Variants in HS6ST3 observed in about 807,000 individuals in gnomAD.
HS6ST3 encodes the protein heparan sulfate 6-O-sulfotransferase 3.
Under a neutral mutation model 36.7 loss-of-function variants are expected in HS6ST3, and 12 were observed. That is an observed-to-expected ratio of 0.33 (90% CI 0.21 to 0.53). The LOEUF is 0.53. Among genes scored for constraint, HS6ST3 ranks in the 20% least tolerant of loss-of-function variants. HS6ST3 has a pLI of 0.95. For synonymous variants in HS6ST3, 240 were observed against 257.5 expected (o/e 0.93, Z 0.65); for missense variants, 584 against 640.9 (o/e 0.91, Z 0.96).
At position 96,090,947 on chromosome 13, in the gene HS6ST3, T is replaced by G; in HGVS notation, c.85T>G (p.Ser29Ala). The change falls in exon 1 of 2, where the codon TCC becomes GCC. Residue 29 changes from serine (S) to alanine (A), a missense_variant. Ser to Ala is a moderately conservative substitution (Grantham distance 99). Around this residue, in one of 3 missense-constraint regions of HS6ST3, gnomAD observed 217 missense variants for 205.4 expected, o/e 1.06. Coordinates refer to ENST00000376705, the MANE Select transcript of HS6ST3 (RefSeq NM_153456.4). The stretch of plus-strand genomic sequence containing the variant: ...CATCATGTACCAGTACGTGTCCCCC[T>G]CCTGCACCAGCTCCTGCACCAACTT... ...VVIMYQYVSP[S>A]CTSSCTNFGE... 1 of 1,464,726 alleles carries G rather than the reference T, an allele frequency of 6.8e-7. No individual in the cohort carries two copies. 90.7% of individuals were successfully genotyped at this position (1,464,726 alleles called of 1,614,324 possible). A position where few individuals can be genotyped will look rare whatever the true frequency, so the allele number is the denominator to read the frequency against.
chr13:96,329,932 T>A (rs1395155393), intron 1 of HS6ST3, among the ~76,000 whole-genome samples: 1 of 149,934 alleles, frequency 6.7e-6, no homozygotes. Context: ...TTTACCATTA[T>A]GTAATGGCCT....
intron 1 of HS6ST3, among the ~76,000 whole-genome samples, chr13:96,200,013 TC>T (rs928485711): frequency 2.0e-5 from 3 of 152,066 alleles, no homozygotes; most frequent in African/African-American, 7.2e-5. Flanking sequence ...ATGTTTCGAG[TC>T]TCCAAATAGA....
chr13:96,746,929 A>G (rs1354965024), intron 1 of HS6ST3, among the ~76,000 whole-genome samples: 1 of 152,078 alleles, frequency 6.6e-6, no homozygotes, highest in Non-Finnish European at 1.5e-5. Flanking sequence ...CCATGGTACT[A>G]ATAGATATTT....
At chr13:96,793,148 C>T (rs918033448) in intron 1 of HS6ST3, among the ~76,000 whole-genome samples, 3 of 152,016 alleles carry the variant, frequency 2.0e-5, no homozygotes, top group Non-Finnish European at 4.4e-5. Flanking sequence ...ATTCATTTCA[C>T]GTTATTCTTT....
At chr13:96,552,504 G>T (rs2056223176) in intron 1 of HS6ST3, among the ~76,000 whole-genome samples, 1 of 152,174 alleles carries the variant, frequency 6.6e-6, no homozygotes, top group Non-Finnish European at 1.5e-5. Flanking sequence ...AGGGTTCAGG[G>T]TCCTAATTGA....
chr13:96,710,981 C>G (rs1875548099), intron 1 of HS6ST3, among the ~76,000 whole-genome samples: 1 of 152,234 alleles, frequency 6.6e-6, no homozygotes, highest in South Asian at 2.1e-4. Flanking sequence ...TTCTCTCAGA[C>G]TTCTTGATGA....
chr13:96,234,050 G>A (rs2139369083), intron 1 of HS6ST3, among the ~76,000 whole-genome samples: 1 of 151,374 alleles, frequency 6.6e-6, no homozygotes, highest in East Asian at 1.9e-4. Context: ...TGCAATGGAT[G>A]CAACTTATAA....
intron 1 of HS6ST3, among the ~76,000 whole-genome samples, chr13:96,452,261 A>C (rs1289884411): frequency 6.6e-6 from 1 of 152,212 alleles, no homozygotes; most frequent in Non-Finnish European, 1.5e-5. Context: ...TTGAGGGTAA[A>C]TAGCTGTCTT....
At chr13:96,545,679 C>T (rs907178608) in intron 1 of HS6ST3, among the ~76,000 whole-genome samples, 7 of 152,156 alleles carry the variant, frequency 4.6e-5, no homozygotes, top group African/African-American at 1.7e-4. Context: ...GTTTCAAAAT[C>T]TGTTTATTAC....
intron 1 of HS6ST3, among the ~76,000 whole-genome samples, chr13:96,613,007 C>A (rs999466431): frequency 1.3e-5 from 2 of 152,170 alleles, no homozygotes; most frequent in Admixed American, 1.3e-4. Context: ...AAGAAAGTTG[C>A]AGACCTCCTT....
At position 96,583,204 on chromosome 13, in the gene HS6ST3, CTTTTTTTTTT is replaced by C. The variant is rs71292889; in HGVS notation, c.708-249268_708-249259del. Among the ~76,000 whole-genome samples the C allele has an allele frequency of 9.9e-3, 523 of 52,948 alleles. 6 individuals carry two copies. The highest frequency in any genetic ancestry group is 0.039 in the African/African-American group (487 of 12,446). 34.7% of individuals were successfully genotyped at this position (52,948 alleles called of 152,430 possible). On this transcript the variant is annotated intron_variant, in intron 1 of 1. Coordinates refer to ENST00000376705, the MANE Select transcript of HS6ST3 (RefSeq NM_153456.4). ...AATGGCTTCAATTTCTTTTTCTTTTCTTTTTTTTTTTTTTTTTTTTTTTTTTTGAGACGGA... is the reference window on the plus strand; with the variant it reads ...AATGGCTTCAATTTCTTTTTCTTTTCTTTTTTTTTTTTTTTTTGAGACGGA...
intron 1 of HS6ST3, among the ~76,000 whole-genome samples, chr13:96,686,768 C>G (rs1874792534): frequency 6.6e-6 from 1 of 151,940 alleles, no homozygotes; most frequent in Non-Finnish European, 1.5e-5. Flanking sequence ...GCTTCATTTC[C>G]CTATTGTGGA....
intron 1 of HS6ST3, chr13:96,574,265 A>T (rs568258885): frequency 3.2e-5 from 13 of 404,374 alleles, no homozygotes; most frequent in South Asian, 2.7e-4. Flanking sequence ...GGTCCATGGG[A>T]TTTAAACTGA....
intron 1 of HS6ST3, among the ~76,000 whole-genome samples, chr13:96,409,005 T>C (rs200688185): frequency 6.6e-6 from 1 of 152,166 alleles, no homozygotes; most frequent in East Asian, 1.9e-4. Flanking sequence ...GAATGTGCCA[T>C]TTGAGTTATT....
chr13:96,760,613 G>A (rs938875865), intron 1 of HS6ST3, among the ~76,000 whole-genome samples: 1 of 152,106 alleles, frequency 6.6e-6, no homozygotes, highest in Non-Finnish European at 1.5e-5. Context: ...GTAGTACCAA[G>A]AAGTATTTGA....
chr13:96,705,803 C>T (rs1375986382), intron 1 of HS6ST3, among the ~76,000 whole-genome samples: 1 of 152,204 alleles, frequency 6.6e-6, no homozygotes, highest in Admixed American at 6.5e-5. Flanking sequence ...CATGCTCAGT[C>T]TCCGTCCACC....
chr13:96,269,687 G>T (rs1390308283), intron 1 of HS6ST3, among the ~76,000 whole-genome samples: 2 of 151,978 alleles, frequency 1.3e-5, no homozygotes, highest in Non-Finnish European at 2.9e-5. Flanking sequence ...GAGTTTTCAT[G>T]CTAAAGTCAG....
Position 96,769,443 on chromosome 13 carries a change from C to G in HS6ST3, c.708-63047C>G, listed in dbSNP as rs1183320356. On this transcript the variant is annotated intron_variant, in intron 1 of 1. Coordinates refer to ENST00000376705, the MANE Select transcript of HS6ST3 (RefSeq NM_153456.4). ...GTATATCTCCCAATGCTATCCCTCC[C>G]CCCTCCCCCCACCCCCCCACATTCC... Among the ~76,000 whole-genome samples the G allele has an allele frequency of 6.3e-4, 65 of 103,162 alleles. 2 individuals are homozygous for G. The highest frequency in any genetic ancestry group is 2.3e-3 in the African/African-American group (61 of 26,522). 67.7% of individuals were successfully genotyped at this position (103,162 alleles called of 152,430 possible).
chr13:96,832,715 G>A lies in HS6ST3; in HGVS notation c.933G>A (p.Val311=). ...ACAACCTGGCTAACAATCGCCAGGT[G>A]CGCATGCTGGCTGACCTCAGCCTGG... ...CTYNLANNRQ[V]RMLADLSLVG... Residue 311 remains valine (V), a synonymous_variant, in exon 2 of 2, where the codon GTG becomes GTA. Coordinates refer to ENST00000376705, the MANE Select transcript of HS6ST3 (RefSeq NM_153456.4). 6.2e-7 allele frequency: 1 copy of A among 1,614,078 alleles called. No homozygotes were observed. The highest frequency in any genetic ancestry group is 8.5e-7 in the Non-Finnish European group (1 of 1,179,980).
Sources: gnomAD v4.1 joint callset for allele counts (sites outside exome capture counted in the v4.1 genomes callset) on GRCh38, gnomAD v4.1.1 for gene constraint, gnomAD v4.1.1 regional missense constraint, MANE v1.5 for transcripts, NCBI Gene and HGNC (gene_info 2026-07-23, HGNC 2026-07-21) for gene names.